TSHZ2: variants seen among roughly 807,000 people sequenced by gnomAD.
TSHZ2 encodes the protein teashirt zinc finger homeobox 2.
A neutral mutation model predicts 74.4 loss-of-function variants in TSHZ2; 21 were observed. The ratio of observed to expected loss-of-function variants is 0.28; its 90% CI spans 0.20 to 0.41. TSHZ2 has a LOEUF of 0.41. TSHZ2 is among the 10% of genes least tolerant of loss of function. The pLI is 1.00. For missense variants in TSHZ2, 1,244 were observed against 1,293.5 expected (o/e 0.96, Z 0.59); for synonymous variants, 540 against 515.3 (o/e 1.05, Z -0.65).
intron 2 of TSHZ2, among the ~76,000 whole-genome samples, chr20:53,350,402 G>T (rs1375297609): frequency 6.6e-6 from 1 of 152,208 alleles, no homozygotes; most frequent in East Asian, 1.9e-4. Context: ...GGACGGTGAA[G>T]TCTCCTGTAG....
intron 1 of TSHZ2, among the ~76,000 whole-genome samples, chr20:53,061,653 C>A (rs1158307517): frequency 1.3e-5 from 2 of 152,110 alleles, no homozygotes; most frequent in Admixed American, 6.6e-5. Context: ...ATCTATTTTT[C>A]CTATTCTGTT....
chr20:53,116,385 T>C (rs1986666767), intron 1 of TSHZ2, among the ~76,000 whole-genome samples: 1 of 152,202 alleles, frequency 6.6e-6, no homozygotes, highest in South Asian at 2.1e-4. Context: ...AAGAATGTGA[T>C]GGCTTCCCAC....
At chr20:53,246,736 C>T (rs192015464) in intron 1 of TSHZ2, among the ~76,000 whole-genome samples, 320 of 152,296 alleles carry the variant, frequency 2.1e-3, no homozygotes, top group African/African-American at 7.3e-3. Flanking sequence ...TCCACTTCTC[C>T]TGACTTAAAC....
At chr20:53,321,296 G>A (rs576633386) in intron 2 of TSHZ2, among the ~76,000 whole-genome samples, 6 of 151,530 alleles carry the variant, frequency 4.0e-5, no homozygotes, top group South Asian at 2.1e-4. Flanking sequence ...TGGAAATTTC[G>A]CTGGTCTGTC....
intron 2 of TSHZ2, among the ~76,000 whole-genome samples, chr20:53,462,566 C>T (rs188859542): frequency 8.9e-4 from 136 of 152,322 alleles, no homozygotes; most frequent in Admixed American, 2.6e-3. Flanking sequence ...GAACCTTCTA[C>T]GCAAGCTTCC....
At chr20:53,066,464 G>A (rs1397819056) in intron 1 of TSHZ2, among the ~76,000 whole-genome samples, 1 of 151,864 alleles carries the variant, frequency 6.6e-6, no homozygotes, top group East Asian at 1.9e-4. Flanking sequence ...GTGGACCTCC[G>A]GCTATCGCGT....
intron 1 of TSHZ2, among the ~76,000 whole-genome samples, chr20:53,071,101 C>A (rs1188741789): frequency 6.6e-6 from 1 of 152,154 alleles, no homozygotes; most frequent in African/African-American, 2.4e-5. Context: ...AATGACTCCT[C>A]GAGTGAGAAT....
At chr20:53,222,736 G>A (rs1323275551) in intron 1 of TSHZ2, among the ~76,000 whole-genome samples, 2 of 152,210 alleles carry the variant, frequency 1.3e-5, no homozygotes, top group Non-Finnish European at 2.9e-5. Flanking sequence ...AGGGGGCTTG[G>A]ACAGCTAATA....
In TSHZ2 at chr20:53,204,410, G is replaced by T. The variant is rs200804376; in HGVS notation, c.41-49089G>T. ...ATGATACTATATCATCATATAACAT[G>T]ATGATATGATACTATTATATCATAA... On this transcript the variant is annotated intron_variant, in intron 1 of 2. Transcript: ENST00000371497. Among the ~76,000 whole-genome samples the T allele has an allele frequency of 2.5e-3, 323 of 128,488 alleles. 23 individuals carry two copies. Among genetic ancestry groups the T allele is most frequent in the African/African-American group, 9.4e-3 (278 of 29,732 alleles). 84.3% of individuals were successfully genotyped at this position (128,488 alleles called of 152,430 possible). A position where few individuals can be genotyped will look rare whatever the true frequency, so the allele number is the denominator to read the frequency against.
chr20:53,311,654 A>G (rs1316585951), intron 2 of TSHZ2, among the ~76,000 whole-genome samples: 1 of 152,230 alleles, frequency 6.6e-6, no homozygotes, highest in Non-Finnish European at 1.5e-5. Context: ...CAACTTGGCC[A>G]CATGTGTCCT....
intron 2 of TSHZ2, among the ~76,000 whole-genome samples, chr20:53,301,795 C>T (rs1377538949): frequency 6.6e-6 from 1 of 152,286 alleles, no homozygotes; most frequent in African/African-American, 2.4e-5. Flanking sequence ...AAAAAGGAAC[C>T]TTCTATTAGG....
At chr20:53,262,507 A>G (rs1379992413) in intron 2 of TSHZ2, among the ~76,000 whole-genome samples, 1 of 152,208 alleles carries the variant, frequency 6.6e-6, no homozygotes, top group African/African-American at 2.4e-5. Flanking sequence ...GCTATAAACT[A>G]TTTAGCCTCG....
At chr20:53,433,592 C>T (rs868594938) in intron 2 of TSHZ2, among the ~76,000 whole-genome samples, 1 of 143,744 alleles carries the variant, frequency 7.0e-6, no homozygotes, top group Non-Finnish European at 1.5e-5. Flanking sequence ...CAGACACACA[C>T]ACACACACAC....
chr20:53,205,028 T>A (rs1600740328), intron 1 of TSHZ2, among the ~76,000 whole-genome samples: 1 of 151,050 alleles, frequency 6.6e-6, no homozygotes, highest in African/African-American at 2.4e-5. Flanking sequence ...GAGGCAGAGG[T>A]TGCAGTGAGC....
chr20:53,416,230 T>C (rs1328527014), intron 2 of TSHZ2, among the ~76,000 whole-genome samples: 2 of 152,104 alleles, frequency 1.3e-5, no homozygotes, highest in African/African-American at 4.8e-5. Flanking sequence ...CAGAGGGCGA[T>C]TTGGGTGTTA....
At position 53,055,426 on chromosome 20, in the gene TSHZ2, C is replaced by A. The variant is rs138671532; in HGVS notation, c.40+82093C>A. Among the ~76,000 whole-genome samples the A allele has an allele frequency of 4.5e-3, 680 of 152,252 alleles. 5 individuals are homozygous for A. Among genetic ancestry groups the A allele is most frequent in the Non-Finnish European group, 4.7e-3 (320 of 68,028 alleles). On this transcript the variant is annotated intron_variant, in intron 1 of 2. Transcript: ENST00000371497. Reference sequence around the variant, plus strand: ...TCACTAAAATTTGCAATAATTCAGACAAGGCTTCAGATACTTATTAAGAGA... The same window carrying A: ...TCACTAAAATTTGCAATAATTCAGAAAAGGCTTCAGATACTTATTAAGAGA...
At chr20:53,134,610 CT>C (rs1303971855) in intron 1 of TSHZ2, among the ~76,000 whole-genome samples, 1 of 152,184 alleles carries the variant, frequency 6.6e-6, no homozygotes, top group African/African-American at 2.4e-5. Flanking sequence ...TACGCAGCAA[CT>C]TGCTTTGCTC....
At chr20:53,478,890 C>T (rs1986068637) in intron 2 of TSHZ2, among the ~76,000 whole-genome samples, 1 of 151,992 alleles carries the variant, frequency 6.6e-6, no homozygotes, top group South Asian at 2.1e-4. Flanking sequence ...AGGGGCCTGG[C>T]ACAGTGACTT....
intron 2 of TSHZ2, among the ~76,000 whole-genome samples, chr20:53,367,137 T>C (rs1981292159): frequency 6.6e-6 from 1 of 152,146 alleles, no homozygotes; most frequent in Non-Finnish European, 1.5e-5. Flanking sequence ...GACTCATGCC[T>C]GTAATCCCAG....
Sources: gnomAD v4.1 joint callset for allele counts (sites outside exome capture counted in the v4.1 genomes callset) on GRCh38, gnomAD v4.1.1 for gene constraint, MANE v1.5 for transcripts, NCBI Gene and HGNC (gene_info 2026-07-23, HGNC 2026-07-21) for gene names.